SRD5A2: variants seen among roughly 807,000 people sequenced by gnomAD.
SRD5A2 encodes the protein 3-oxo-5-alpha-steroid 4-dehydrogenase 2.
In SRD5A2, 30 loss-of-function variants were observed where a neutral mutation model predicts 27.4. The observed-to-expected ratio is 1.10, with a 90% CI of 0.82 to 1.49. The LOEUF (loss-of-function observed/expected upper bound fraction) is 1.49. SRD5A2 is among the 40% of genes most tolerant of loss of function. SRD5A2 has a pLI of 0.00. For synonymous variants in SRD5A2, 141 were observed against 133.6 expected, an observed-to-expected ratio of 1.06 and a Z score of -0.38; for missense variants, 348 against 323.4, an observed-to-expected ratio of 1.08 and a Z score of -0.58.
At chr2:31,585,897 T>C (rs1212222337), upstream of SRD5A2, among the ~76,000 whole-genome samples, 1 of 152,160 alleles carries the variant, frequency 6.6e-6, no homozygotes, top group East Asian at 1.9e-4. Flanking sequence ...CTGCCTTAAA[T>C]GAATACCTGT....
chr2:31,657,753 A>G, the SRD5A2 span, among the ~76,000 whole-genome samples: 1 of 152,188 alleles, frequency 6.6e-6, no homozygotes, highest in African/African-American at 2.4e-5. Context: ...GTAGAGAAAT[A>G]AACTAGGCTT....
chr2:31,623,199 C>T, the SRD5A2 span, among the ~76,000 whole-genome samples: 1 of 152,062 alleles, frequency 6.6e-6, no homozygotes, highest in African/African-American at 2.4e-5. Context: ...TGCAAATTGT[C>T]TCTAATGCTT....
the SRD5A2 span, among the ~76,000 whole-genome samples, chr2:31,590,006 C>T: frequency 3.3e-5 from 5 of 152,054 alleles, no homozygotes; most frequent in Admixed American, 6.5e-5. Flanking sequence ...CCCCCGCTTC[C>T]CTGGTGACAT....
upstream of SRD5A2, among the ~76,000 whole-genome samples, chr2:31,582,053 C>T (rs1263544649): frequency 6.6e-6 from 1 of 152,130 alleles, no homozygotes; most frequent in African/African-American, 2.4e-5. Flanking sequence ...GGTTGACCTC[C>T]TCTTCCCACC....
At chr2:31,650,994 T>C in the SRD5A2 span, among the ~76,000 whole-genome samples, 2 of 152,160 alleles carry the variant, frequency 1.3e-5, no homozygotes, top group Non-Finnish European at 2.9e-5. Flanking sequence ...ACTGGTTGAC[T>C]AACTATAGAT....
At chr2:31,640,448 T>A in the SRD5A2 span, among the ~76,000 whole-genome samples, 2 of 152,180 alleles carry the variant, frequency 1.3e-5, no homozygotes, top group African/African-American at 4.8e-5. Flanking sequence ...TAGTTATTAA[T>A]CCCCAAATTC....
rs186380920 is a variant in SRD5A2 at position 31,525,029 on chromosome 2, T to G, written c.*1167A>C. On this transcript the variant is annotated 3_prime_UTR_variant, in exon 5 of 5. Transcript: ENST00000622030. ...ATGAAGGAATCTCCTGATTTTTAAG[T>G]TTTTGAAACTTTGTAAAAAAAAAAA... 6.5e-4 allele frequency: 141 copies of G among 217,392 alleles called. No individual in the cohort carries two copies. The highest frequency in any genetic ancestry group is 3.1e-3 in the African/African-American group (137 of 44,532). 13.5% of individuals were successfully genotyped at this position (217,392 alleles called of 1,614,324 possible). A position where few individuals can be genotyped will look rare whatever the true frequency, so the allele number is the denominator to read the frequency against.
chr2:31,593,254 G>A, the SRD5A2 span, among the ~76,000 whole-genome samples: 1 of 151,524 alleles, frequency 6.6e-6, no homozygotes, highest in Non-Finnish European at 1.5e-5. Context: ...AAAACTTAAA[G>A]TATAATAATA....
the SRD5A2 span, among the ~76,000 whole-genome samples, chr2:31,586,654 C>T: frequency 6.6e-6 from 1 of 152,174 alleles, no homozygotes; most frequent in African/African-American, 2.4e-5. Context: ...CAAAGCAGTA[C>T]ATCTAGAAAC....
the SRD5A2 span, among the ~76,000 whole-genome samples, chr2:31,593,543 G>T: frequency 6.6e-6 from 1 of 152,160 alleles, no homozygotes; most frequent in Admixed American, 6.6e-5. Context: ...TTTTAGATTT[G>T]TTAAACAACC....
chr2:31,620,364 G>A, the SRD5A2 span, among the ~76,000 whole-genome samples: 2 of 152,050 alleles, frequency 1.3e-5, no homozygotes, highest in African/African-American at 4.8e-5. Flanking sequence ...GAAATAAAGT[G>A]CATTCAAATA....
chr2:31,543,468 T>A (rs962280293), intron 1 of SRD5A2, among the ~76,000 whole-genome samples: 1 of 152,126 alleles, frequency 6.6e-6, no homozygotes, highest in African/African-American at 2.4e-5. Flanking sequence ...TAATACTTTT[T>A]AAAAAAACAA....
chr2:31,654,248 T>C, the SRD5A2 span, among the ~76,000 whole-genome samples: 1 of 152,070 alleles, frequency 6.6e-6, no homozygotes, highest in Non-Finnish European at 1.5e-5. Context: ...TGAAACCACA[T>C]AAGCAAAGTA....
chr2:31,658,589 C>T, the SRD5A2 span, among the ~76,000 whole-genome samples: 1 of 151,474 alleles, frequency 6.6e-6, no homozygotes, highest in Admixed American at 6.6e-5. Context: ...CTATTACAAA[C>T]ATCTCTATGC....
the SRD5A2 span, among the ~76,000 whole-genome samples, chr2:31,618,962 G>T: frequency 6.6e-6 from 1 of 151,994 alleles, no homozygotes; most frequent in African/African-American, 2.4e-5. Context: ...AATTATTAGT[G>T]AATTAATAAT....
chr2:31,631,831 C>T, the SRD5A2 span, among the ~76,000 whole-genome samples: 1 of 152,134 alleles, frequency 6.6e-6, no homozygotes, highest in African/African-American at 2.4e-5. Context: ...GCAGGCAGTT[C>T]CCAGTGTAGA....
chr2:31,599,618 A>G, the SRD5A2 span, among the ~76,000 whole-genome samples: 1 of 151,974 alleles, frequency 6.6e-6, no homozygotes. Flanking sequence ...AATGATAATG[A>G]AAATATAAAA....
the SRD5A2 span, among the ~76,000 whole-genome samples, chr2:31,637,153 G>A: frequency 6.6e-6 from 1 of 151,982 alleles, no homozygotes; most frequent in Non-Finnish European, 1.5e-5. Context: ...CTCATTACTT[G>A]TAATTTGTTT....
intron 1 of SRD5A2, among the ~76,000 whole-genome samples, chr2:31,549,597 T>C (rs2148077773): frequency 6.6e-6 from 1 of 152,316 alleles, no homozygotes; most frequent in Non-Finnish European, 1.5e-5. Context: ...ACTATACTAA[T>C]TTCAGATAAA....
Sources: gnomAD v4.1 joint callset for allele counts (sites outside exome capture counted in the v4.1 genomes callset) on GRCh38, gnomAD v4.1.1 for gene constraint, MANE v1.5 for transcripts, NCBI Gene and HGNC (gene_info 2026-07-23, HGNC 2026-07-21) for gene names.